The following IMMP2L variants were observed in gnomAD, a reference collection of about 807,000 sequenced individuals.
The protein encoded by IMMP2L is mitochondrial inner membrane protease subunit 2.
A neutral mutation model predicts 19.3 loss-of-function variants in IMMP2L; 18 were observed. The ratio of observed to expected loss-of-function variants is 0.93; its 90% confidence interval spans 0.64 to 1.38. IMMP2L has a LOEUF of 1.38. Ranked by LOEUF, IMMP2L falls within the 40% of genes most tolerant of loss-of-function variation. The pLI is 0.00. For synonymous variants in IMMP2L, 76 were observed against 73.0 expected, an observed-to-expected ratio of 1.04 and a Z score of -0.21; for missense variants, 233 against 218.2, an observed-to-expected ratio of 1.07 and a Z score of -0.43.
chr7:111,357,075 C>T (rs1183098427), intron 3 of IMMP2L, among the ~76,000 whole-genome samples: 1 of 152,082 alleles, frequency 6.6e-6, no homozygotes, highest in Non-Finnish European at 1.5e-5. Flanking sequence ...TGGTACAGTA[C>T]TTTATAAACT....
chr7:111,044,463 A>C (rs1264347499), intron 3 of IMMP2L, among the ~76,000 whole-genome samples: 1 of 152,232 alleles, frequency 6.6e-6, no homozygotes, highest in Non-Finnish European at 1.5e-5. Context: ...TGGGAGGCTG[A>C]GGCAGGAGAA....
chr7:111,081,501 C>A (rs1216746282), intron 3 of IMMP2L, among the ~76,000 whole-genome samples: 1 of 152,200 alleles, frequency 6.6e-6, no homozygotes, highest in Non-Finnish European at 1.5e-5. Context: ...CCAACCTGTG[C>A]ACAGAGGGAG....
intron 3 of IMMP2L, among the ~76,000 whole-genome samples, chr7:111,379,815 C>T (rs985301071): frequency 1.3e-5 from 2 of 151,690 alleles, no homozygotes; most frequent in Non-Finnish European, 2.9e-5. Context: ...CAAGTCAGTT[C>T]GAGTCTGCAA....
chr7:111,065,921 C>T (rs1586048565), intron 3 of IMMP2L, among the ~76,000 whole-genome samples: 3 of 149,016 alleles, frequency 2.0e-5, no homozygotes, highest in South Asian at 2.2e-4. Flanking sequence ...TGTGCGCGCG[C>T]GTGTATGCGC....
chr7:111,001,227 CT>C (rs1823649404), intron 3 of IMMP2L, among the ~76,000 whole-genome samples: 1 of 152,098 alleles, frequency 6.6e-6, no homozygotes, highest in African/African-American at 2.4e-5. Context: ...TGTTATTGTA[CT>C]TTTAAAACAT....
At chr7:110,794,378 G>A (rs1800708959) in intron 5 of IMMP2L, among the ~76,000 whole-genome samples, 1 of 152,074 alleles carries the variant, frequency 6.6e-6, no homozygotes, top group African/African-American at 2.4e-5. Context: ...ATATTACTAA[G>A]TGAAGGAAGC....
rs1005326415 is a variant in IMMP2L at position 110,870,371 on chromosome 7, T to A, written c.408+16222A>T. Among the ~76,000 whole-genome samples the A allele has an allele frequency of 2.0e-5, 3 of 152,154 alleles. No homozygotes were observed. Among genetic ancestry groups the A allele is most frequent in the African/African-American group, 7.2e-5 (3 of 41,450 alleles). On this transcript the variant is annotated intron_variant, in intron 5 of 5. Coordinates refer to ENST00000405709, the MANE Select transcript of IMMP2L (RefSeq NM_032549.4). The surrounding 1 kb of genome is among the most constrained non-coding windows in gnomAD (Gnocchi z 4.2). ...ACAGAACAGAAATTTGTTTATTTAT[T>A]TAACAAAATGTAGTAGGTGCCTATT...
chr7:110,762,941 T>A (rs1051044017), intron 5 of IMMP2L, among the ~76,000 whole-genome samples: 2 of 152,184 alleles, frequency 1.3e-5, no homozygotes, highest in African/African-American at 4.8e-5. Context: ...GTTTAAAGTT[T>A]AATTTTAACC....
intron 5 of IMMP2L, among the ~76,000 whole-genome samples, chr7:110,875,348 A>G (rs770703516): frequency 6.6e-6 from 1 of 152,124 alleles, no homozygotes; most frequent in Non-Finnish European, 1.5e-5. Context: ...CCTATTCAGC[A>G]CATATATTTT....
intron 3 of IMMP2L, among the ~76,000 whole-genome samples, chr7:111,165,347 G>A (rs1326292188): frequency 6.6e-6 from 1 of 151,926 alleles, no homozygotes; most frequent in Admixed American, 6.6e-5. Context: ...GGTTGCTTCT[G>A]CATTTTGGCG....
chr7:110,878,920 A>G (rs1156264644), intron 5 of IMMP2L, among the ~76,000 whole-genome samples: 2 of 152,190 alleles, frequency 1.3e-5, no homozygotes, highest in Non-Finnish European at 2.9e-5. Flanking sequence ...GAAAAGTAAC[A>G]TATTTCATTT....
At position 110,929,411 on chromosome 7, in the gene IMMP2L, T is replaced by G. The variant is rs17527554; in HGVS notation, c.305+34089A>C. ...ATCTTTGGCATCAATAGAAACTCAT[T>G]ATCCTTGGGATAGTTCCACCCACTG... is the stretch of plus-strand genomic sequence containing the variant. On this transcript the variant is annotated intron_variant, in intron 4 of 5. Coordinates refer to ENST00000405709, the MANE Select transcript of IMMP2L (RefSeq NM_032549.4). 4.4e-3 allele frequency among the ~76,000 whole-genome samples: 675 copies of G among 152,304 alleles called. 4 individuals carry two copies. Among genetic ancestry groups the G allele is most frequent in the Middle Eastern group, 0.02 (6 of 294 alleles).
At chr7:111,142,339 A>AGAAAAG (rs1562846986) in intron 3 of IMMP2L, among the ~76,000 whole-genome samples, 9 of 11,860 alleles carry the variant, frequency 7.6e-4, no homozygotes, top group African/African-American at 9.5e-4. Context: ...AAAAAAAAAA[A>AGAAAAG]AAAAGAAAGA....
At chr7:110,777,160 C>T (rs1799443138) in intron 5 of IMMP2L, among the ~76,000 whole-genome samples, 1 of 151,926 alleles carries the variant, frequency 6.6e-6, no homozygotes, top group Non-Finnish European at 1.5e-5. Context: ...TTATCATTGG[C>T]ACACCATTCA....
chr7:110,902,482 AT>A (rs1476457272), intron 4 of IMMP2L, among the ~76,000 whole-genome samples: 2 of 39,892 alleles, frequency 5.0e-5, no homozygotes, highest in African/African-American at 1.2e-4. Flanking sequence ...ATGATAAAAT[AT>A]ATATATATAT....
intron 3 of IMMP2L, among the ~76,000 whole-genome samples, chr7:111,260,663 T>C (rs948859727): frequency 6.6e-5 from 10 of 152,162 alleles, no homozygotes; most frequent in Non-Finnish European, 1.3e-4. Flanking sequence ...AATTTAATCA[T>C]ACTGGGTTGT....
chr7:111,079,024 T>G (rs1487109768), intron 3 of IMMP2L, among the ~76,000 whole-genome samples: 1 of 152,028 alleles, frequency 6.6e-6, no homozygotes, highest in Non-Finnish European at 1.5e-5. Context: ...ATTTTTTAAA[T>G]AAACATTTTA....
At chr7:111,242,058 G>GT (rs1258282999) in intron 3 of IMMP2L, among the ~76,000 whole-genome samples, 2 of 151,950 alleles carry the variant, frequency 1.3e-5, no homozygotes, top group African/African-American at 4.8e-5. Context: ...TATTCACTGA[G>GT]TTTTGCATCA....
chr7:110,976,285 T>C (rs1245276589), intron 3 of IMMP2L, among the ~76,000 whole-genome samples: 1 of 152,024 alleles, frequency 6.6e-6, no homozygotes, highest in Non-Finnish European at 1.5e-5. Context: ...GATGATTAGA[T>C]CATAATACAT....
Sources: allele counts gnomAD v4.1 joint callset (sites outside exome capture counted in the v4.1 genomes callset), GRCh38; gene constraint gnomAD v4.1.1; non-coding constraint Gnocchi (gnomAD v3.1); transcripts MANE v1.5; gene names NCBI Gene and HGNC (gene_info 2026-07-23, HGNC 2026-07-21).